Variants in USP18 observed in about 807,000 individuals in gnomAD.
USP18 encodes the protein ubl carboxyl-terminal hydrolase 18.
In USP18, 11 loss-of-function variants were observed where a neutral mutation model predicts 48.7. That is an observed-to-expected ratio of 0.23 (90% CI 0.14 to 0.37). USP18 has a LOEUF of 0.37. Ranked by LOEUF, USP18 falls within the 10% of genes least tolerant of loss-of-function variation. USP18 has a pLI of 1.00. For missense variants in USP18, 285 were observed against 436.4 expected (o/e 0.65, Z 3.09); for synonymous variants, 114 against 163.2 (o/e 0.70, Z 2.30).
In USP18 at chr22:18,160,767, CTT is replaced by C. The variant is rs951642767; in HGVS notation, c.254+519_254+520del. On this transcript the variant is annotated intron_variant, in intron 3 of 10. Coordinates refer to ENST00000215794, the MANE Select transcript of USP18 (RefSeq NM_017414.4). ...CTGGGGTGCGACCCAAGTATTGGTACTTTTTTTTTTTTTTTTTTTTTGAGATG... is the reference window on the plus strand; with the variant it reads ...CTGGGGTGCGACCCAAGTATTGGTACTTTTTTTTTTTTTTTTTTTGAGATG... 8.8e-4 allele frequency among the ~76,000 whole-genome samples: 101 copies of C among 114,446 alleles called. No homozygotes were observed. In the East Asian group the frequency reaches 0.02, roughly 23 times the overall value. The allele number at this position is 114,446 out of a possible 152,430, so 75.1% of individuals were successfully genotyped here.
intron 6 of USP18, among the ~76,000 whole-genome samples, chr22:18,168,530 G>A (rs564584209): frequency 2.5e-4 from 38 of 152,100 alleles, no homozygotes; most frequent in African/African-American, 8.7e-4. Context: ...CAAGTAGCTG[G>A]GATTACAGGT....
chr22:18,173,959 C>G, intron 10 of USP18, 117 bp downstream of exon 10: 1 of 1,466,080 alleles, frequency 6.8e-7, no homozygotes, highest in South Asian at 1.3e-5. Context: ...CTGTCCGCCT[C>G]ATCTCCAGCA....
chr22:18,152,143 A>G (rs1285027848), intron 1 of USP18, among the ~76,000 whole-genome samples: 1 of 152,250 alleles, frequency 6.6e-6, no homozygotes, highest in African/African-American at 2.4e-5. Flanking sequence ...TGTGGTTGCC[A>G]TGATGGGGTG....
At chr22:18,175,917 C>T (rs1396781079) in intron 10 of USP18, among the ~76,000 whole-genome samples, 2 of 149,048 alleles carry the variant, frequency 1.3e-5, no homozygotes, top group East Asian at 1.9e-4. Flanking sequence ...CCCAGGAGCA[C>T]GAGGCTGTGG....
chr22:18,159,827 C>G (rs1387176694), intron 2 of USP18, among the ~76,000 whole-genome samples: 2 of 152,114 alleles, frequency 1.3e-5, no homozygotes, highest in African/African-American at 2.4e-5. Flanking sequence ...AGGCGCCCAC[C>G]ACCACGCCCG....
At chr22:18,151,947 G>A (rs572334740) in intron 1 of USP18, among the ~76,000 whole-genome samples, 6 of 152,124 alleles carry the variant, frequency 3.9e-5, no homozygotes, top group Admixed American at 1.3e-4. Flanking sequence ...CCAACTACTC[G>A]GGAGGCTGAG....
chr22:18,165,814 G>C lies in USP18; in HGVS notation c.401-1441G>C, dbSNP rs544502352. Among the ~76,000 whole-genome samples, 989 of 148,852 alleles carry C rather than the reference G, an allele frequency of 6.6e-3. 4 individuals are homozygous for C. Among genetic ancestry groups the C allele is most frequent in the Non-Finnish European group, 0.01 (704 of 67,048 alleles). On this transcript the variant is annotated intron_variant, in intron 4 of 10. Coordinates refer to ENST00000215794, the MANE Select transcript of USP18 (RefSeq NM_017414.4). ...AGGCATGGAGAAAGCATGCCCACTC[G>C]GCCACTTTTCTGCCCGGAAAGGCGC...
chr22:18,155,395 C>T (rs758612686), intron 1 of USP18, among the ~76,000 whole-genome samples: 3 of 152,248 alleles, frequency 2.0e-5, no homozygotes, highest in Admixed American at 1.3e-4. Context: ...GCTCTCGGTG[C>T]CTCCTCGGCC....
intron 4 of USP18, among the ~76,000 whole-genome samples, chr22:18,166,204 A>G (rs5993031): frequency 0.4 from 61,487 of 151,944 alleles, 13,429 homozygotes; most frequent in African/African-American, 0.58. Flanking sequence ...TGCCAGCTCT[A>G]ATCTGCTATT....
At chr22:18,156,940 C>G (rs967102174) in intron 1 of USP18, among the ~76,000 whole-genome samples, 4 of 148,250 alleles carry the variant, frequency 2.7e-5, no homozygotes, top group Non-Finnish European at 5.9e-5. Flanking sequence ...TCTCTTCACA[C>G]AGCTGTGCTG....
intron 4 of USP18, 104 bp downstream of exon 4, chr22:18,162,039 G>A (rs1404496319): frequency 2.8e-6 from 4 of 1,448,742 alleles, no homozygotes; most frequent in Admixed American, 5.5e-5. Flanking sequence ...CAAGAAGCAA[G>A]TTAGGTAGCC....
At chr22:18,162,447 G>A (rs562413201) in intron 4 of USP18, among the ~76,000 whole-genome samples, 2,104 of 150,510 alleles carry the variant, frequency 0.014, 52 homozygotes, top group African/African-American at 0.049. Flanking sequence ...ACCCCCAGAA[G>A]AAATCCTACA....
chr22:18,153,429 CA>C (rs773524805), intron 1 of USP18, among the ~76,000 whole-genome samples: 172 of 126,118 alleles, frequency 1.4e-3, no homozygotes, highest in Middle Eastern at 7.9e-3. Context: ...AATTCCATCT[CA>C]AAAAAAAAAA....
At chr22:18,155,173 T>A (rs536568959) in intron 1 of USP18, among the ~76,000 whole-genome samples, 1 of 152,240 alleles carries the variant, frequency 6.6e-6, no homozygotes, top group Non-Finnish European at 1.5e-5. Flanking sequence ...CCAGGGCCAC[T>A]GTAGTTGTCA....
At chr22:18,173,899 C>G in intron 10 of USP18, 57 bp downstream of exon 10, 2 of 1,500,926 alleles carry the variant, frequency 1.3e-6, no homozygotes, top group Non-Finnish European at 1.8e-6. Context: ...GTCCTTGGAG[C>G]TGCATGAAAC....
chr22:18,174,549 C>A (rs1416097253), intron 10 of USP18, among the ~76,000 whole-genome samples: 1 of 151,948 alleles, frequency 6.6e-6, no homozygotes, highest in Non-Finnish European at 1.5e-5. Flanking sequence ...GCTTTTATTG[C>A]ATTTGAGCAT....
chr22:18,154,555 T>C (rs963088078), intron 1 of USP18, among the ~76,000 whole-genome samples: 1 of 152,142 alleles, frequency 6.6e-6, no homozygotes, highest in Non-Finnish European at 1.5e-5. Flanking sequence ...CAAGTGATCC[T>C]CCTCCTTCAC....
At chr22:18,156,869 C>G (rs1315392524) in intron 1 of USP18, among the ~76,000 whole-genome samples, 1 of 152,232 alleles carries the variant, frequency 6.6e-6, no homozygotes, top group Non-Finnish European at 1.5e-5. Flanking sequence ...CAATTCCGGA[C>G]ACACTGGGTT....
intron 4 of USP18, 59 bp downstream of exon 4, chr22:18,161,994 A>G (rs1282845599): frequency 4.6e-6 from 7 of 1,536,756 alleles, no homozygotes; most frequent in Non-Finnish European, 6.1e-6. Context: ...GGAAGCTTAG[A>G]GAGTGAAGAG....
Sources: gnomAD v4.1 joint callset for allele counts (sites outside exome capture counted in the v4.1 genomes callset) on GRCh38, gnomAD v4.1.1 for gene constraint, MANE v1.5 for transcripts, NCBI Gene and HGNC (gene_info 2026-07-23, HGNC 2026-07-21) for gene names.